VPS51: variants seen among roughly 807,000 people sequenced by gnomAD.
VPS51 encodes vacuolar protein sorting-associated protein 51 homolog.
In VPS51, 55 loss-of-function variants were observed where a neutral mutation model predicts 65.1. The observed-to-expected ratio is 0.84, with a 90% CI of 0.68 to 1.06. The LOEUF (loss-of-function observed/expected upper bound fraction) is 1.06. Among genes scored for constraint, VPS51 ranks in the 50% least tolerant of loss-of-function variants. The probability of loss-of-function intolerance (pLI) is 0.00; values close to 1 mark genes in which losing one functional copy is unlikely to be tolerated. For synonymous variants in VPS51, 473 were observed against 489.5 expected, an observed-to-expected ratio of 0.97 and a Z score of 0.44; for missense variants, 943 against 1,101.6, an observed-to-expected ratio of 0.86 and a Z score of 2.04.
At position 65,097,103 on chromosome 11, in the gene VPS51, TACA is replaced by T. The variant is rs560956518; in HGVS notation, c.339_341del (p.Asn113del). 26 of 1,613,860 alleles carry T rather than the reference TACA, an allele frequency of 1.6e-5. No homozygotes were observed. The highest frequency in any genetic ancestry group is 6.7e-5 in the East Asian group (3 of 44,876). Reference sequence around the variant, plus strand: ...CATGCAGACCCTGGTCTATGAGAACTACAACAAGTTCATCTCAGCCACAGGTGA... The same window carrying T: ...CATGCAGACCCTGGTCTATGAGAACTACAAGTTCATCTCAGCCACAGGTGA... On this transcript the variant is annotated inframe_deletion, in exon 2 of 10. Transcript: ENST00000279281.
chr11:65,111,682 G>A lies in VPS51; in HGVS notation c.*95G>A. ...TTCCCCGCAGGCAGGTGTCAGGACC[G>A]GCCTAATAAACATGTGTGGCCTCCT... On this transcript the variant is annotated 3_prime_UTR_variant, in exon 10 of 10. Transcript: ENST00000279281. The A allele has an allele frequency of 1.4e-6, 2 of 1,453,344 alleles. No homozygotes were observed. Among genetic ancestry groups the A allele is most frequent in the South Asian group, 1.4e-5 (1 of 73,686 alleles). 90.0% of individuals were successfully genotyped at this position (1,453,344 alleles called of 1,614,324 possible). A position where few individuals can be genotyped will look rare whatever the true frequency, so the allele number is the denominator to read the frequency against.
Position 65,107,805 on chromosome 11 carries a change from G to A in VPS51, c.508G>A (p.Val170Ile), listed in dbSNP as rs757681617. 1.9e-6 allele frequency: 3 copies of A among 1,581,918 alleles called. No individual in the cohort carries two copies. The highest frequency in any genetic ancestry group is 3.6e-5 in the Admixed American group (2 of 55,542). ...RHERITKLAG[V>I]HALLRKLQFL... ...TAACGTCACCCTCCGTCCCCCAGGG[G>A]TCCACGCGCTGCTGCGGAAGCTGCA... Residue 170 changes from valine to isoleucine, a missense_variant and splice_region_variant, in exon 4 of 10, where the codon GTC (valine) becomes ATC (isoleucine). Val to Ile is a conservative substitution (Grantham distance 29). Transcript: ENST00000279281. The surrounding 1 kb of genome is among the most constrained non-coding windows in gnomAD (Gnocchi z 4.0).
intron 2 of VPS51, chr11:65,105,512 C>T (rs1184962035): frequency 6.6e-6 from 1 of 152,150 alleles, no homozygotes; most frequent in African/African-American, 2.4e-5. Flanking sequence ...CACATCACCA[C>T]AATCATGACC....
chr11:65,101,762 C>CAAAAAAAA (rs1165429983), intron 2 of VPS51, among the ~76,000 whole-genome samples: 8 of 26,348 alleles, frequency 3.0e-4, no homozygotes, highest in South Asian at 2.9e-3. Flanking sequence ...GACCTTGTCT[C>CAAAAAAAA]AAAAAAAAAA....
intron 2 of VPS51, among the ~76,000 whole-genome samples, chr11:65,100,518 T>C (rs1205599988): frequency 7.0e-6 from 1 of 143,504 alleles, no homozygotes; most frequent in African/African-American, 2.5e-5. Flanking sequence ...CAAGTGTTCA[T>C]AGCAGTGTTT....
intron 2 of VPS51, among the ~76,000 whole-genome samples, chr11:65,101,492 G>A (rs1039339658): frequency 3.3e-5 from 5 of 152,172 alleles, no homozygotes; most frequent in South Asian, 4.1e-4. Flanking sequence ...GAGCCCAGGT[G>A]GGATTATGGC....
In VPS51 at chr11:65,096,418, C is replaced by T. The variant is rs1416762268; in HGVS notation, c.168C>T (p.Asp56=). 1.9e-6 allele frequency: 3 copies of T among 1,543,252 alleles called. No individual in the cohort carries two copies. The highest frequency in any genetic ancestry group is 2.4e-5 in the South Asian group (2 of 82,700). Residue 56 remains aspartate (D), a synonymous_variant, in exon 1 of 10, where the codon GAC becomes GAT. Transcript: ENST00000279281. ...GEAAGRPAGP[D]PLDPTDLNGA... ...CGGCGGGACGCCCCGCGGGGCCCGACCCCCTGGACCCGACTGATCTGAACG... is the reference window on the plus strand; with the variant it reads ...CGGCGGGACGCCCCGCGGGGCCCGATCCCCTGGACCCGACTGATCTGAACG...
chr11:65,111,092 C>G (rs1007245584), intron 9 of VPS51: 2 of 753,626 alleles, frequency 2.7e-6, no homozygotes, highest in African/African-American at 3.4e-5. Context: ...CCCATGGTCC[C>G]TGCCCCGCCT....
At position 65,109,840 on chromosome 11, in the gene VPS51, G is replaced by C; in HGVS notation, c.1795G>C (p.Asp599His). The stretch of plus-strand genomic sequence containing the variant: ...GCTGCGCAAGAGCGTGGAGACTCGC[G>C]ACTGGCTCAGCACTCTGGAGCCCCG... Reference protein sequence around the residue: ...QMLRKSVETRDWLSTLEPRNV... With the variant: ...QMLRKSVETRHWLSTLEPRNV... Residue 599 changes from aspartate (D) to histidine (H), a missense_variant, in exon 7 of 10, where the codon GAC becomes CAC. Physicochemically the swap from Asp to His is moderately conservative, Grantham distance 81 (BLOSUM62 -1). This residue lies in a region of VPS51 where 855 missense variants were observed against 953.7 expected (regional missense o/e 0.90). Transcript: ENST00000279281. 1 of 1,611,964 alleles carries C rather than the reference G, an allele frequency of 6.2e-7. No homozygotes were observed. Among genetic ancestry groups the C allele is most frequent in the South Asian group, 1.1e-5 (1 of 90,492 alleles).
intron 2 of VPS51, among the ~76,000 whole-genome samples, chr11:65,101,871 C>G (rs1042159175): frequency 6.7e-6 from 1 of 149,946 alleles, no homozygotes; most frequent in Non-Finnish European, 1.5e-5. Flanking sequence ...GTCACATAAT[C>G]AGCATCCAGG....
At chr11:65,106,743 T>C (rs564441644) in intron 2 of VPS51, among the ~76,000 whole-genome samples, 3 of 106,924 alleles carry the variant, frequency 2.8e-5, no homozygotes, top group Admixed American at 1.1e-4. Context: ...AGAGCGAGAC[T>C]CAGTCTCAAA....
chr11:65,098,982 G>A (rs571369173), intron 2 of VPS51, among the ~76,000 whole-genome samples: 4 of 152,256 alleles, frequency 2.6e-5, no homozygotes, highest in Admixed American at 1.3e-4. Flanking sequence ...GAGGCTAGGA[G>A]TTCAAGACCA....
chr11:65,104,828 C>T (rs910079602), intron 2 of VPS51, among the ~76,000 whole-genome samples: 1 of 152,214 alleles, frequency 6.6e-6, no homozygotes, highest in South Asian at 2.1e-4. Flanking sequence ...AGGCGCTGTC[C>T]TTCAAGCCGC....
In VPS51 at chr11:65,110,791, C is replaced by T; in HGVS notation, c.2088+10C>T. ...TGTGGAGTTCAACAAGGTCCGACTT[C>T]CAACGTGACTCAGACTTCCAGGGAT... On this transcript the variant is annotated intron_variant, in intron 9 of 9. Coordinates refer to ENST00000279281, the MANE Select transcript of VPS51 (RefSeq NM_013265.4). The T allele has an allele frequency of 6.2e-7, 1 of 1,614,118 alleles. No individual in the cohort carries two copies. The highest frequency in any genetic ancestry group is 1.7e-4 in the Middle Eastern group (1 of 6,058).
chr11:65,110,345 C>G, intron 7 of VPS51, 137 bp from the exon 8 acceptor site: 2 of 1,457,264 alleles, frequency 1.4e-6, no homozygotes, highest in Non-Finnish European at 1.9e-6. Context: ...CATGTACCTA[C>G]TAAATAGCGG....
chr11:65,111,811 C>A lies in VPS51; in HGVS notation c.*224C>A. ...CCCCGAGCGCCGATTGGCTGGTGTG[C>A]TGGGCCCAGCATGGGCAGGGGGCGG... On this transcript the variant is annotated 3_prime_UTR_variant, in exon 10 of 10. Coordinates refer to ENST00000279281, the MANE Select transcript of VPS51 (RefSeq NM_013265.4). 1.1e-6 allele frequency: 1 copy of A among 942,660 alleles called. No individual in the cohort carries two copies. The highest frequency in any genetic ancestry group is 1.5e-6 in the Non-Finnish European group (1 of 645,918). 58.4% of individuals were successfully genotyped at this position (942,660 alleles called of 1,614,324 possible).
Position 65,108,273 on chromosome 11 carries a change from C to T in VPS51, c.802C>T (p.Leu268=), listed in dbSNP as rs556041746. 1.1e-5 allele frequency: 17 copies of T among 1,599,806 alleles called. No homozygotes were observed. In the African/African-American group the frequency reaches 2.0e-4, roughly 19 times the overall value. ...GGCCCTGGGCGAGCCTGCGGAGGAG[C>T]TGTGCGAGGAGTTCCTGGCGCACGC... The part of the protein sequence containing the change: ...LLALGEPAEE[L]CEEFLAHARG... The change falls in exon 5 of 10, where the codon CTG becomes TTG. Residue 268 remains leucine, a synonymous_variant. Transcript: ENST00000279281.
intron 7 of VPS51, 161 bp downstream of exon 7, chr11:65,110,084 T>A: frequency 1.3e-6 from 1 of 792,572 alleles, no homozygotes; most frequent in Non-Finnish European, 2.0e-6. Flanking sequence ...AGGGCGTCCG[T>A]GAGGGAACCC....
chr11:65,109,221 AT>A, intron 5 of VPS51, 58 bp from the exon 6 acceptor site: 1 of 1,560,072 alleles, frequency 6.4e-7, no homozygotes. Flanking sequence ...GCAGAGGGTC[AT>A]TAACAGCCTT....
Sources: gnomAD v4.1 joint callset for allele counts (sites outside exome capture counted in the v4.1 genomes callset) on GRCh38, gnomAD v4.1.1 for gene constraint, gnomAD v4.1.1 regional missense constraint, Gnocchi (gnomAD v3.1) non-coding constraint, MANE v1.5 for transcripts, NCBI Gene and HGNC (gene_info 2026-07-23, HGNC 2026-07-21) for gene names.